ZNF836: variants seen among roughly 807,000 people sequenced by gnomAD.
ZNF836 encodes the protein zinc finger protein 836.
In ZNF836, 12 loss-of-function variants were observed where a neutral mutation model predicts 7.4. The ratio of observed to expected loss-of-function variants is 1.61; its 90% confidence interval spans 1.03 to 2.61. The LOEUF is 2.61. Among genes scored for constraint, ZNF836 ranks in the 30% most tolerant of loss-of-function variants. The pLI, the probability that ZNF836 is intolerant of heterozygous loss-of-function variation, is 0.00. For missense variants in ZNF836, 998 were observed against 1,126.2 expected, an observed-to-expected ratio of 0.89 and a Z score of 1.63; for synonymous variants, 365 against 382.6, an observed-to-expected ratio of 0.95 and a Z score of 0.54.
Position 52,156,460 on chromosome 19 carries a change from T to A in ZNF836, c.1223A>T (p.His408Leu). The change falls in exon 5 of 5, where the codon CAT becomes CTT. Residue 408 changes from histidine (H) to leucine (L), a missense_variant. Transcript: ENST00000682614. Reference sequence around the variant, plus strand: ...ACATTTGTAAGGTTTGTTTCCACTATGAACTGTCTGATGAGTTGCCAGGTT... The same window carrying A: ...ACATTTGTAAGGTTTGTTTCCACTAAGAACTGTCTGATGAGTTGCCAGGTT... The part of the protein sequence containing the change: ...SSNLATHQTV[H>L]SGNKPYKCDE... 1 of 1,614,226 alleles carries A rather than the reference T, an allele frequency of 6.2e-7. No individual in the cohort carries two copies. Among genetic ancestry groups the A allele is most frequent in the East Asian group, 2.2e-5 (1 of 44,892 alleles).
At position 52,155,309 on chromosome 19, in the gene ZNF836, T is replaced by C; in HGVS notation, c.2374A>G (p.Thr792Ala). Reference sequence around the variant, plus strand: ...TGAATACTCCGATGACGTGCTAGTGTTGATTGATGACGAAAGACCTTGCCA... The same window carrying C: ...TGAATACTCCGATGACGTGCTAGTGCTGATTGATGACGAAAGACCTTGCCA... ...ECGKVFRHQS[T>A]LARHRSIHTG... The change falls in exon 5 of 5, where the codon ACA becomes GCA. Residue 792 changes from threonine (T) to alanine (A), a missense_variant. Thr to Ala is a moderately conservative substitution (Grantham distance 58). Coordinates refer to ENST00000682614, the MANE Select transcript of ZNF836 (RefSeq NM_001102657.3). 1 of 1,613,254 alleles carries C rather than the reference T, an allele frequency of 6.2e-7. No homozygotes were observed. Among genetic ancestry groups the C allele is most frequent in the Non-Finnish European group, 8.5e-7 (1 of 1,179,784 alleles).
intron 2 of ZNF836, among the ~76,000 whole-genome samples, chr19:52,168,684 G>A (rs2089285883): frequency 6.6e-6 from 1 of 152,040 alleles, no homozygotes; most frequent in African/African-American, 2.4e-5. Context: ...GATATATATA[G>A]TATGCGTACA....
intron 3 of ZNF836, among the ~76,000 whole-genome samples, chr19:52,165,941 T>A (rs1476268779): frequency 6.6e-6 from 1 of 152,234 alleles, no homozygotes; most frequent in Non-Finnish European, 1.5e-5. Flanking sequence ...AGCCATTTCA[T>A]ATTCTGTAGT....
rs1444379300 is a variant in ZNF836 at position 52,156,245 on chromosome 19, T to C, written c.1438A>G (p.Ser480Gly). The change falls in exon 5 of 5, where the codon AGT (serine) becomes GGT (glycine). Residue 480 changes from serine (S) to glycine (G), a missense_variant. Ser to Gly is a moderately conservative substitution (Grantham distance 56). Coordinates refer to ENST00000682614, the MANE Select transcript of ZNF836 (RefSeq NM_001102657.3). ...TGCCCCACAAGATGTGAAGTCTGAC[T>C]GAAGACCTTGCCACATTCATTGCAT... ...YKCNECGKVF[S>G]QTSHLVGHRR... 6.2e-7 allele frequency: 1 copy of C among 1,614,134 alleles called. No individual in the cohort carries two copies. The highest frequency in any genetic ancestry group is 1.1e-5 in the South Asian group (1 of 91,090).
chr19:52,154,780 A>G lies in ZNF836; in HGVS notation c.*92T>C, dbSNP rs2089135328. On this transcript the variant is annotated 3_prime_UTR_variant, in exon 5 of 5. Transcript: ENST00000682614. ...CACCCCTGTGATCCAATCATCTCCC[A>G]CCAGGCCCCACCTCCAATAAAGGGG... 1 of 1,192,592 alleles carries G rather than the reference A, an allele frequency of 8.4e-7. No homozygotes were observed. The highest frequency in any genetic ancestry group is 3.1e-5 in the Admixed American group (1 of 32,212). The allele number at this position is 1,192,592 out of a possible 1,614,324, so 73.9% of individuals were successfully genotyped here.
At chr19:52,158,598 C>A (rs955734637) in intron 4 of ZNF836, among the ~76,000 whole-genome samples, 4 of 151,822 alleles carry the variant, frequency 2.6e-5, no homozygotes, top group Non-Finnish European at 5.9e-5. Context: ...CAAAAATTAG[C>A]CAGGCATGGT....
rs760660357 is a variant in ZNF836, at chr19:52,160,547, C to T, written c.60G>A (p.Glu20=). The change falls in exon 4 of 5, where the codon GAG becomes GAA. Residue 20 remains glutamate (E), a synonymous_variant. Transcript: ENST00000682614. The part of the protein sequence containing the change: ...FRDVAIEFSQ[E]EWKSLDPVQK... ...GCACAGGGTCCAGGGATTTCCACTCCTCCTGAGAGAATTCTATGGCTACAT... is the reference window on the plus strand; with the variant it reads ...GCACAGGGTCCAGGGATTTCCACTCTTCCTGAGAGAATTCTATGGCTACAT... 1.1e-4 allele frequency: 184 copies of T among 1,613,618 alleles called. No homozygotes were observed. Among genetic ancestry groups the T allele is most frequent in the Non-Finnish European group, 9.2e-5 (108 of 1,179,928 alleles).
chr19:52,167,324 C>T (rs8111261), intron 3 of ZNF836, among the ~76,000 whole-genome samples: 15,109 of 151,016 alleles, frequency 0.1, 1,947 homozygotes, highest in African/African-American at 0.3. Context: ...ATACAAAAAT[C>T]AGCCGGGCGT....
intron 4 of ZNF836, 24 bp from the exon 5 acceptor site, chr19:52,157,564 A>C: frequency 6.9e-7 from 1 of 1,451,376 alleles, no homozygotes; most frequent in Non-Finnish European, 9.1e-7. Context: ...TGAACATGGG[A>C]GTTTTTTCGT....
chr19:52,155,013 A>G lies in ZNF836; in HGVS notation c.2670T>C (p.Tyr890=). 1 of 1,613,884 alleles carries G rather than the reference A, an allele frequency of 6.2e-7. No homozygotes were observed. Among genetic ancestry groups the G allele is most frequent in the Non-Finnish European group, 8.5e-7 (1 of 1,179,894 alleles). ...HQMIHSGEKP[Y]KCNECGKSFI... ...AAGATTTGCCACACTCATTACATTT[A>G]TAAGGTTTTTCTCCAGAATGAATCA... Residue 890 remains tyrosine, a synonymous_variant, in exon 5 of 5, where the codon TAT becomes TAC. Coordinates refer to ENST00000682614, the MANE Select transcript of ZNF836 (RefSeq NM_001102657.3).
Position 52,157,010 on chromosome 19 carries a change from TG to T in ZNF836, c.672del (p.Ala226ProfsTer36). 6.2e-7 allele frequency: 1 copy of T among 1,614,190 alleles called. No homozygotes were observed. Among genetic ancestry groups the T allele is most frequent in the Non-Finnish European group, 8.5e-7 (1 of 1,180,030 alleles). On this transcript the variant is annotated frameshift_variant, in exon 5 of 5. Transcript: ENST00000682614. LOFTEE classifies it low-confidence loss of function (END_TRUNC). ...AGACTTGAAGACACTCTAAAGGCTT[TG>T]CCACACCCTTTACACATATAAGGTT... is the stretch of plus-strand genomic sequence containing the variant. ...REKPYMCKGC[G>X]KAFRVSSSLI...
chr19:52,156,184 C>T lies in ZNF836; in HGVS notation c.1499G>A (p.Cys500Tyr), dbSNP rs750489835. The T allele has an allele frequency of 5.0e-6, 8 of 1,614,194 alleles. No homozygotes were observed. The Admixed American group carries it at 1.3e-4, about 27-fold the overall frequency. ...RIHTGEKPYK[C>Y]DKCGKAFKQG... ...TTTAAAGGCTTTACCACATTTATCACATTTGTAAGGTTTCTCTCCAGTATG... is the reference window on the plus strand; with the variant it reads ...TTTAAAGGCTTTACCACATTTATCATATTTGTAAGGTTTCTCTCCAGTATG... The change falls in exon 5 of 5, where the codon TGT becomes TAT. Residue 500 changes from cysteine (C) to tyrosine (Y), a missense_variant. By Grantham distance (194) the Cys-to-Tyr change is radical. Coordinates refer to ENST00000682614, the MANE Select transcript of ZNF836 (RefSeq NM_001102657.3).
chr19:52,156,762 A>G lies in ZNF836; in HGVS notation c.921T>C (p.Cys307=). ...TATAACTTTGACTAAAGGACTTGCC[A>G]CATTCATTACATTTGTACGGTTTCT... ...TGEKPYKCNE[C]GKSFSQSYNL... The change falls in exon 5 of 5, where the codon TGT becomes TGC. Residue 307 remains cysteine (C), a synonymous_variant. Coordinates refer to ENST00000682614, the MANE Select transcript of ZNF836 (RefSeq NM_001102657.3). The G allele has an allele frequency of 2.5e-6, 4 of 1,607,418 alleles. No individual in the cohort carries two copies. The highest frequency in any genetic ancestry group is 3.4e-6 in the Non-Finnish European group (4 of 1,175,224).
chr19:52,156,424 C>T lies in ZNF836; in HGVS notation c.1259G>A (p.Gly420Asp), dbSNP rs764010233. 1.2e-6 allele frequency: 2 copies of T among 1,614,094 alleles called. No homozygotes were observed. The highest frequency in any genetic ancestry group is 1.7e-6 in the Non-Finnish European group (2 of 1,180,018). ...GNKPYKCDECGKTFKRSSSLT... is the reference protein window; with the variant it reads ...GNKPYKCDECDKTFKRSSSLT... ...GCTGGAGCTCCGTTTAAAGGTTTTG[C>T]CACACTCATCACATTTGTAAGGTTT... The change falls in exon 5 of 5, where the codon GGC becomes GAC. Residue 420 changes from glycine (G) to aspartate (D), a missense_variant. Coordinates refer to ENST00000682614, the MANE Select transcript of ZNF836 (RefSeq NM_001102657.3).
chr19:52,157,096 T>C lies in ZNF836; in HGVS notation c.587A>G (p.Glu196Gly). ...TAATGACAGCTGCAAAAACTCATTC[T>C]CATATTTTTTAGAAATGTTGGTTTG... ...SVQTNISKKY[E>G]NEFLQLSLPT... The change falls in exon 5 of 5, where the codon GAG (glutamate) becomes GGG (glycine). Residue 196 changes from glutamate (E) to glycine (G), a missense_variant. Glu to Gly is a moderately conservative substitution (Grantham distance 98). Transcript: ENST00000682614. 3 of 1,613,946 alleles carry C rather than the reference T, an allele frequency of 1.9e-6. No individual in the cohort carries two copies. Among genetic ancestry groups the C allele is most frequent in the Non-Finnish European group, 2.5e-6 (3 of 1,179,858 alleles).
chr19:52,154,429 G>A lies in ZNF836; in HGVS notation c.*443C>T, dbSNP rs2089131881. ...TAATCCCAGCACTTTGGGAGGCCGAGGCAGGCAGATCACTAGGTCAAGAAA... is the reference window on the plus strand; with the variant it reads ...TAATCCCAGCACTTTGGGAGGCCGAAGCAGGCAGATCACTAGGTCAAGAAA... On this transcript the variant is annotated 3_prime_UTR_variant, in exon 5 of 5. Transcript: ENST00000682614. Among the ~76,000 whole-genome samples, 1 of 152,094 alleles carries A rather than the reference G, an allele frequency of 6.6e-6. No individual in the cohort carries two copies. The highest frequency in any genetic ancestry group is 6.6e-5 in the Admixed American group (1 of 15,256).
intron 3 of ZNF836, among the ~76,000 whole-genome samples, chr19:52,162,680 G>A (rs1029336418): frequency 1.3e-5 from 2 of 152,196 alleles, no homozygotes; most frequent in African/African-American, 4.8e-5. Flanking sequence ...GGGGGTGATT[G>A]TTGGTAACTC....
chr19:52,169,039 C>T (rs929073898), intron 2 of ZNF836, among the ~76,000 whole-genome samples: 1 of 152,062 alleles, frequency 6.6e-6, no homozygotes, highest in African/African-American at 2.4e-5. Context: ...TAACGTACAC[C>T]GTGGTGTCTA....
intron 4 of ZNF836, among the ~76,000 whole-genome samples, chr19:52,158,471 G>A (rs1045877678): frequency 2.6e-5 from 4 of 151,996 alleles, no homozygotes; most frequent in African/African-American, 9.7e-5. Context: ...CTGGCCGGGC[G>A]CAGTGGCTCA....
Sources: gnomAD v4.1 joint callset for allele counts (sites outside exome capture counted in the v4.1 genomes callset) on GRCh38, gnomAD v4.1.1 for gene constraint, MANE v1.5 for transcripts, NCBI Gene and HGNC (gene_info 2026-07-23, HGNC 2026-07-21) for gene names.